Variants in SPTBN2 observed in about 807,000 individuals in gnomAD.
The protein encoded by SPTBN2 is spectrin beta, non-erythrocytic 2.
SPTBN2 carries 107 observed loss-of-function variants against 284.2 expected under a neutral mutation model. The ratio of observed to expected loss-of-function variants is 0.38; its 90% CI spans 0.32 to 0.44. SPTBN2 has a LOEUF of 0.44. Among genes scored for constraint, SPTBN2 ranks in the 20% least tolerant of loss-of-function variants. The pLI is 1.00. For missense variants in SPTBN2, 2,569 were observed against 3,287.1 expected (o/e 0.78, Z 5.34); for synonymous variants, 1,289 against 1,354.8 (o/e 0.95, Z 1.07).
chr11:66,701,529 A>G, intron 16 of SPTBN2, 55 bp downstream of exon 16: 1 of 1,613,646 alleles, frequency 6.2e-7, no homozygotes. Flanking sequence ...TCTCACTGCC[A>G]TCCCCATTGC....
In SPTBN2 at chr11:66,705,111, G is replaced by A. The variant is rs1295095279; in HGVS notation, c.2165C>T (p.Ala722Val). ...HPGASQASAR[A>V]AELQAQWERL... Reference sequence around the variant, plus strand: ...CTCCCACTGGGCTTGGAGTTCAGCTGCACGGGCAGAGGCCTGGCTTGCCCC... The same window carrying A: ...CTCCCACTGGGCTTGGAGTTCAGCTACACGGGCAGAGGCCTGGCTTGCCCC... Residue 722 changes from alanine to valine, a missense_variant, in exon 15 of 38, where the codon GCA becomes GTA. Physicochemically the swap from Ala to Val is moderately conservative, Grantham distance 64. This residue lies in a region of SPTBN2 where 1,012 missense variants were observed against 1,248.9 expected (regional missense o/e 0.81). Transcript: ENST00000533211. 7 of 1,554,376 alleles carry A rather than the reference G, an allele frequency of 4.5e-6. No individual in the cohort carries two copies. Among genetic ancestry groups the A allele is most frequent in the Non-Finnish European group, 6.1e-6 (7 of 1,155,064 alleles).
At position 66,700,097 on chromosome 11, in the gene SPTBN2, A is replaced by G. The variant is rs1449237152; in HGVS notation, c.3573+429T>C. Among the ~76,000 whole-genome samples, 1 of 151,830 alleles carries G rather than the reference A, an allele frequency of 6.6e-6. No individual in the cohort carries two copies. Among genetic ancestry groups the G allele is most frequent in the Non-Finnish European group, 1.5e-5 (1 of 67,974 alleles). On this transcript the variant is annotated intron_variant, in intron 17 of 37. Coordinates refer to ENST00000533211, the MANE Select transcript of SPTBN2 (RefSeq NM_006946.4). This position sits in a 1 kb window ranked among gnomAD's most constrained non-coding sequence, Gnocchi z 6.6. Reference sequence around the variant, plus strand: ...CAGCCTCCCCAGTAGCTGGAGCTACAGGCATGCACCACCATGTCCAGTTAA... The same window carrying G: ...CAGCCTCCCCAGTAGCTGGAGCTACGGGCATGCACCACCATGTCCAGTTAA...
chr11:66,688,557 C>T, intron 31 of SPTBN2, 96 bp downstream of exon 31: 2 of 1,527,778 alleles, frequency 1.3e-6, no homozygotes, highest in Non-Finnish European at 8.9e-7. Flanking sequence ...GCCACTGGTG[C>T]AGTGGGAAGA....
rs376994348 is a variant in SPTBN2 at position 66,687,403 on chromosome 11, G to C, written c.6722+24C>G. Reference sequence around the variant, plus strand: ...GAGGCTCTGGGGAAGTGCCCTCTGAGAGCAGGCTCCAGAGAGGCTGTACCT... The same window carrying C: ...GAGGCTCTGGGGAAGTGCCCTCTGACAGCAGGCTCCAGAGAGGCTGTACCT... On this transcript the variant is annotated intron_variant, in intron 35 of 37. Transcript: ENST00000533211. The surrounding 1 kb of genome is among the most constrained non-coding windows in gnomAD (Gnocchi z 5.2). The C allele has an allele frequency of 6.9e-6, 11 of 1,602,000 alleles. No homozygotes were observed. In the East Asian group the frequency reaches 2.5e-4, roughly 36 times the overall value.
At position 66,691,523 on chromosome 11, in the gene SPTBN2, T is replaced by A; in HGVS notation, c.5326A>T (p.Lys1776Ter). 1 of 1,612,788 alleles carries A rather than the reference T, an allele frequency of 6.2e-7. No homozygotes were observed. The highest frequency in any genetic ancestry group is 8.5e-7 in the Non-Finnish European group (1 of 1,180,022). The change falls in exon 27 of 38, where the codon AAG becomes TAG. Residue 1776 changes from lysine to a stop codon, truncating the protein, a stop_gained. Transcript: ENST00000533211. LOFTEE classifies it high-confidence loss of function. The surrounding 1 kb of genome is among the most constrained non-coding windows in gnomAD (Gnocchi z 8.0). The stretch of plus-strand genomic sequence containing the variant: ...GCCCAGGCCTCGTTGAGACTGTCCT[T>A]CCACTCGGCCACGGTGGCCCGTGCA... ...HAARATVAEW[K>*]DSLNEAWADL...
intron 29 of SPTBN2, 60 bp from the exon 30 acceptor site, chr11:66,689,240 C>G (rs371771228): frequency 6.5e-7 from 1 of 1,542,452 alleles, no homozygotes; most frequent in African/African-American, 1.4e-5. Flanking sequence ...TCCACGGCCC[C>G]TGGGGAGTCA....
In SPTBN2 at chr11:66,687,656, G is replaced by GA. The variant is rs754231976; in HGVS notation, c.6502-10dup. ...TCCCCTGAGCCAGGTCCCTGGGGGG[G>GA]AATCAGTGTCAGTGTCAAAGGTTGA... On this transcript the variant is annotated splice_polypyrimidine_tract_variant and intron_variant, in intron 34 of 37. Transcript: ENST00000533211. The surrounding 1 kb of genome is among the most constrained non-coding windows in gnomAD (Gnocchi z 5.2). 1 of 1,586,776 alleles carries GA rather than the reference G, an allele frequency of 6.3e-7. No individual in the cohort carries two copies. Among genetic ancestry groups the GA allele is most frequent in the Admixed American group, 1.7e-5 (1 of 57,990 alleles).
rs1439595889 is a variant in SPTBN2, at chr11:66,691,869, C to T, written c.5191-211G>A. 6.6e-6 allele frequency among the ~76,000 whole-genome samples: 1 copy of T among 152,156 alleles called. No homozygotes were observed. Among genetic ancestry groups the T allele is most frequent in the African/African-American group, 2.4e-5 (1 of 41,436 alleles). ...AGACTCCCTCCACCCCCAGCAAAGG[C>T]GTTTCAAGGTGCTTGGGACCCTTAG... On this transcript the variant is annotated intron_variant, in intron 26 of 37. Coordinates refer to ENST00000533211, the MANE Select transcript of SPTBN2 (RefSeq NM_006946.4). The surrounding 1 kb of genome is among the most constrained non-coding windows in gnomAD (Gnocchi z 8.0).
At position 66,708,277 on chromosome 11, in the gene SPTBN2, G is replaced by T; in HGVS notation, c.1214C>A (p.Ala405Glu). The change falls in exon 12 of 38, where the codon GCG (alanine) becomes GAG (glutamate). Residue 405 changes from alanine (A) to glutamate (E), a missense_variant. Transcript: ENST00000533211. The surrounding 1 kb of genome is among the most constrained non-coding windows in gnomAD (Gnocchi z 4.4). ...INKAWERLEK[A>E]EHERELALRT... is the part of the protein sequence containing the mutation. ...CAGGGCCAGCTCACGCTCGTGCTCC[G>T]CCTTCTCCAGCCGCTCCCAAGCCTA... 6.3e-7 allele frequency: 1 copy of T among 1,593,942 alleles called. No individual in the cohort carries two copies. The highest frequency in any genetic ancestry group is 1.1e-5 in the South Asian group (1 of 89,274).
intron 1 of SPTBN2, among the ~76,000 whole-genome samples, chr11:66,726,008 G>A (rs1243492471): frequency 6.6e-6 from 1 of 151,986 alleles, no homozygotes; most frequent in Non-Finnish European, 1.5e-5. Context: ...TTATCACATC[G>A]CATTACGGTT....
chr11:66,707,984 CCCA>C lies in SPTBN2; in HGVS notation c.1350+154_1350+156del, dbSNP rs373661498. On this transcript the variant is annotated intron_variant, in intron 12 of 37. Coordinates refer to ENST00000533211, the MANE Select transcript of SPTBN2 (RefSeq NM_006946.4). This position sits in a 1 kb window ranked among gnomAD's most constrained non-coding sequence, Gnocchi z 4.9. ...CTGTCTCACCAACCCTCTCTCCTGTCCCACCCTCTGGCCCCTGGCTCCCGGACC... is the reference window on the plus strand; with the variant it reads ...CTGTCTCACCAACCCTCTCTCCTGTCCCCTCTGGCCCCTGGCTCCCGGACC... Among the ~76,000 whole-genome samples, 159 of 152,308 alleles carry C rather than the reference CCCA, an allele frequency of 1.0e-3. No individual in the cohort carries two copies. The highest frequency in any genetic ancestry group is 3.7e-3 in the African/African-American group (152 of 41,574).
intron 7 of SPTBN2, 46 bp downstream of exon 7, chr11:66,714,045 A>T (rs1173817142): frequency 6.3e-7 from 1 of 1,599,652 alleles, no homozygotes; most frequent in Non-Finnish European, 8.6e-7. Flanking sequence ...CCAGGTCATT[A>T]GCCGACCCAG....
At position 66,736,478 on chromosome 11, in the gene SPTBN2, C is replaced by T. The variant is rs546611178; in HGVS notation, c.-474-7286G>A. On this transcript the variant is annotated intron_variant, in intron 1 of 37. Coordinates refer to the SPTBN2 transcript ENST00000611817. ...TCATCTGGGAGCAGTCTGGGACCAA[C>T]CATGATTCTCAATACCTTTGAGTTT... 2.6e-5 allele frequency among the ~76,000 whole-genome samples: 4 copies of T among 152,296 alleles called. No homozygotes were observed. The South Asian group carries it at 8.3e-4, about 32-fold the overall frequency.
At chr11:66,712,407 C>T (rs749347974) in intron 8 of SPTBN2, among the ~76,000 whole-genome samples, 43 of 152,004 alleles carry the variant, frequency 2.8e-4, no homozygotes, top group Non-Finnish European at 4.7e-4. Flanking sequence ...ATTAGCCGGG[C>T]GTGGTGGGAT....
intron 27 of SPTBN2, 35 bp from the exon 28 acceptor site, chr11:66,690,318 G>A (rs1270556674): frequency 5.8e-6 from 9 of 1,559,224 alleles, no homozygotes; most frequent in South Asian, 3.5e-5. Context: ...GGCAGAGCGG[G>A]GGACTCCAAG....
rs1942093807 is a variant in SPTBN2, at chr11:66,715,441, CCTT to C, written c.310-49_310-47del. 2.5e-6 allele frequency: 4 copies of C among 1,578,236 alleles called. No homozygotes were observed. The African/African-American group carries it at 4.0e-5, about 16-fold the overall frequency. ...AATGGCACGGGACTGTGGGCTTCCA[CCTT>C]CTTCCCCAGCCTTCACAGGGCCCAG... On this transcript the variant is annotated intron_variant, in intron 4 of 37. Transcript: ENST00000533211. The surrounding 1 kb of genome is among the most constrained non-coding windows in gnomAD (Gnocchi z 5.3).
chr11:66,742,911 C>A (rs115889751), intron 1 of SPTBN2, among the ~76,000 whole-genome samples: 16 of 152,230 alleles, frequency 1.1e-4, no homozygotes, highest in African/African-American at 3.9e-4. Context: ...CGCCCGGCCA[C>A]GATGGGAAAT....
In SPTBN2 at chr11:66,687,502, G is replaced by A; in HGVS notation, c.6647C>T (p.Ser2216Phe). 1 of 1,611,864 alleles carries A rather than the reference G, an allele frequency of 6.2e-7. No homozygotes were observed. Among genetic ancestry groups the A allele is most frequent in the Non-Finnish European group, 8.5e-7 (1 of 1,180,010 alleles). ...CATCCCCTCCATCTGCTCCTGGGCA[G>A]ATGGCTCTGGGCCTCGAGGCGGCAG... ...ATLPPRGPEP[S>F]AQEQMEGMLC... Residue 2216 changes from serine (S) to phenylalanine (F), a missense_variant, in exon 35 of 38, where the codon TCT (serine) becomes TTT (phenylalanine). By Grantham distance (155) the Ser-to-Phe change is radical. Coordinates refer to ENST00000533211, the MANE Select transcript of SPTBN2 (RefSeq NM_006946.4). The surrounding 1 kb of genome is among the most constrained non-coding windows in gnomAD (Gnocchi z 5.2).
rs776222406 is a variant in SPTBN2 at position 66,713,752 on chromosome 11, T to G, written c.657-6A>C. On this transcript the variant is annotated splice_region_variant and splice_polypyrimidine_tract_variant and intron_variant, in intron 7 of 37. Coordinates refer to ENST00000533211, the MANE Select transcript of SPTBN2 (RefSeq NM_006946.4). Reference sequence around the variant, plus strand: ...CAAAATCCAGCAGGTCTGGCCTGGGTGGGGAGGCAAGACAGAAGGGATCAG... The same window carrying G: ...CAAAATCCAGCAGGTCTGGCCTGGGGGGGGAGGCAAGACAGAAGGGATCAG... 1 of 1,600,636 alleles carries G rather than the reference T, an allele frequency of 6.2e-7. No homozygotes were observed. Among genetic ancestry groups the G allele is most frequent in the African/African-American group, 1.3e-5 (1 of 74,624 alleles).
Sources: gnomAD v4.1 joint callset for allele counts (sites outside exome capture counted in the v4.1 genomes callset) on GRCh38, gnomAD v4.1.1 for gene constraint, gnomAD v4.1.1 regional missense constraint, Gnocchi (gnomAD v3.1) non-coding constraint, MANE v1.5 for transcripts, NCBI Gene and HGNC (gene_info 2026-07-23, HGNC 2026-07-21) for gene names.